Variants in VPS13B observed in about 807,000 individuals in gnomAD.
VPS13B encodes the protein vacuolar protein sorting 13 homolog B.
Under a neutral mutation model 426.4 loss-of-function variants are expected in VPS13B, and 285 were observed. That is an observed-to-expected ratio of 0.67 (90% CI 0.61 to 0.74). VPS13B has a LOEUF of 0.74. Ranked by LOEUF, VPS13B falls within the 30% of genes least tolerant of loss-of-function variation. VPS13B has a pLI of 0.00. For missense variants in VPS13B, 4,537 were observed against 4,782.6 expected (o/e 0.95, Z 1.51); for synonymous variants, 1,676 against 1,676.4 (o/e 1.00, Z 0.01).
chr8:99,520,843 C>G (rs957272564), intron 29 of VPS13B, 56 bp from the exon 30 acceptor site: 1 of 1,388,162 alleles, frequency 7.2e-7, no homozygotes, highest in Non-Finnish European at 1.0e-6. Context: ...TCTCCTTATG[C>G]ATAAAGTTAT....
intron 33 of VPS13B, among the ~76,000 whole-genome samples, chr8:99,594,587 G>T (rs140676054): frequency 2.6e-5 from 4 of 151,964 alleles, no homozygotes; most frequent in African/African-American, 9.6e-5. Context: ...ATGTTTTTGA[G>T]CTTGATTGGA....
intron 41 of VPS13B, among the ~76,000 whole-genome samples, chr8:99,777,503 G>T (rs1021729598): frequency 7.4e-4 from 112 of 152,228 alleles, no homozygotes; most frequent in African/African-American, 2.6e-3. Flanking sequence ...GGAAAGACCT[G>T]CCCCACTGAT....
At chr8:99,633,257 T>C (rs565460800) in intron 33 of VPS13B, among the ~76,000 whole-genome samples, 1 of 152,146 alleles carries the variant, frequency 6.6e-6, no homozygotes, top group African/African-American at 2.4e-5. Context: ...AGTTTTCTTA[T>C]CAAAAAATTA....
chr8:99,063,321 G>A (rs1844299228), intron 3 of VPS13B, among the ~76,000 whole-genome samples: 1 of 152,236 alleles, frequency 6.6e-6, no homozygotes. Flanking sequence ...CCTAGACAAG[G>A]GAAGCTGTGA....
intron 5 of VPS13B, among the ~76,000 whole-genome samples, chr8:99,103,418 C>T (rs1425405119): frequency 1.3e-5 from 2 of 151,736 alleles, no homozygotes; most frequent in African/African-American, 4.8e-5. Context: ...CAACCTCTGC[C>T]TCCCGGGCTC....
chr8:99,803,867 A>G (rs950043875), intron 43 of VPS13B, among the ~76,000 whole-genome samples: 1 of 152,172 alleles, frequency 6.6e-6, no homozygotes, highest in Non-Finnish European at 1.5e-5. Context: ...GACAAGAATT[A>G]TTTTAGTATT....
At chr8:99,833,731 C>A (rs1177130250) in intron 52 of VPS13B, among the ~76,000 whole-genome samples, 2 of 152,046 alleles carry the variant, frequency 1.3e-5, no homozygotes, top group Non-Finnish European at 2.9e-5. Context: ...TGAAACAAAA[C>A]AATTTGGAAA....
intron 19 of VPS13B, among the ~76,000 whole-genome samples, chr8:99,302,146 A>G (rs1367856845): frequency 6.6e-6 from 1 of 152,168 alleles, no homozygotes; most frequent in Non-Finnish European, 1.5e-5. Flanking sequence ...TAGGGTTTGA[A>G]GATACTTACT....
intron 30 of VPS13B, among the ~76,000 whole-genome samples, chr8:99,543,888 T>C (rs1338164942): frequency 4.1e-5 from 6 of 144,922 alleles, no homozygotes; most frequent in Non-Finnish European, 4.5e-5. Flanking sequence ...GTTCAACCAT[T>C]GTGGAAGTCA....
chr8:99,474,867 A>G (rs879702141), intron 24 of VPS13B, among the ~76,000 whole-genome samples: 2 of 152,168 alleles, frequency 1.3e-5, no homozygotes, highest in Non-Finnish European at 2.9e-5. Flanking sequence ...ACAAAAATAT[A>G]TATCCACAAA....
intron 43 of VPS13B, among the ~76,000 whole-genome samples, chr8:99,798,404 C>T (rs186047106): frequency 1.7e-3 from 265 of 152,196 alleles, no homozygotes; most frequent in African/African-American, 5.6e-3. Flanking sequence ...TTGGGAGATA[C>T]ATTCTACCTA....
chr8:99,861,868 G>C lies in VPS13B; in HGVS notation c.11137G>C (p.Glu3713Gln). The C allele has an allele frequency of 6.3e-7, 1 of 1,597,550 alleles. No homozygotes were observed. The highest frequency in any genetic ancestry group is 8.5e-7 in the Non-Finnish European group (1 of 1,172,628). The change falls in exon 58 of 62, where the codon GAG becomes CAG. Residue 3713 changes from glutamate (E) to glutamine (Q), a missense_variant. Around this residue, in one of 2 missense-constraint regions of VPS13B, gnomAD observed 4,311 missense variants for 4,474.3 expected, o/e 0.96. Coordinates refer to ENST00000357162, the MANE Select transcript of VPS13B (RefSeq NM_152564.5). Reference protein sequence around the residue: ...LDEEHYNRQEEWRRQLPESLG... With the variant: ...LDEEHYNRQEQWRRQLPESLG... ...TGAGGAGCACTACAACCGGCAGGAG[G>C]AGTGGCGGCGGCAGCTCCCCGAGAG...
At chr8:99,570,543 CT>C (rs1333053920) in intron 31 of VPS13B, among the ~76,000 whole-genome samples, 1 of 151,128 alleles carries the variant, frequency 6.6e-6, no homozygotes, top group African/African-American at 2.4e-5. Context: ...CTGATTTGCC[CT>C]TTTGAATAGT....
Position 99,226,747 on chromosome 8 carries a change from A to T in VPS13B, c.2515+33690A>T, listed in dbSNP as rs140891253. Among the ~76,000 whole-genome samples the T allele has an allele frequency of 1.8e-3, 267 of 152,272 alleles. 1 individual carries two copies. The highest frequency in any genetic ancestry group is 6.3e-3 in the African/African-American group (261 of 41,546). On this transcript the variant is annotated intron_variant, in intron 17 of 61. Transcript: ENST00000357162. Reference sequence around the variant, plus strand: ...GATAACATTTTCTCTGTGTAAAGAAATTTTTTAAAACGGATACATAATATT... The same window carrying T: ...GATAACATTTTCTCTGTGTAAAGAATTTTTTTAAAACGGATACATAATATT...
At chr8:99,836,442 G>A (rs1815397431) in intron 54 of VPS13B, among the ~76,000 whole-genome samples, 1 of 52,502 alleles carries the variant, frequency 1.9e-5, no homozygotes, top group African/African-American at 7.6e-5. Context: ...TCCATCCCCT[G>A]GTAGCTCTCT....
intron 19 of VPS13B, among the ~76,000 whole-genome samples, chr8:99,299,307 C>T (rs1820227474): frequency 6.6e-6 from 1 of 151,940 alleles, no homozygotes. Flanking sequence ...AGGTAATCCA[C>T]TGCCTCAGGC....
intron 23 of VPS13B, among the ~76,000 whole-genome samples, chr8:99,444,934 T>G (rs1373062115): frequency 6.6e-6 from 1 of 152,062 alleles, no homozygotes; most frequent in Non-Finnish European, 1.5e-5. Context: ...TAGGTATTAG[T>G]CACCCTGCCC....
At chr8:99,667,456 T>A (rs1830533361) in intron 35 of VPS13B, among the ~76,000 whole-genome samples, 1 of 152,194 alleles carries the variant, frequency 6.6e-6, no homozygotes, top group Non-Finnish European at 1.5e-5. Context: ...TAATATCCAA[T>A]GAATGATTTA....
At chr8:99,155,815 C>G (rs1425616549) in intron 14 of VPS13B, among the ~76,000 whole-genome samples, 2 of 152,136 alleles carry the variant, frequency 1.3e-5, no homozygotes, top group East Asian at 1.9e-4. Flanking sequence ...TGCATTTTGT[C>G]ATATTCTTCT....
Sources: allele counts gnomAD v4.1 joint callset (sites outside exome capture counted in the v4.1 genomes callset), GRCh38; gene constraint gnomAD v4.1.1; regional missense constraint gnomAD v4.1.1; transcripts MANE v1.5; gene names NCBI Gene and HGNC (gene_info 2026-07-23, HGNC 2026-07-21).